The following ARRDC1 variants were observed in gnomAD, a reference collection of about 807,000 sequenced individuals.
ARRDC1 encodes the protein arrestin domain-containing protein 1.
Under a neutral mutation model 40.1 loss-of-function variants are expected in ARRDC1, and 37 were observed. The ratio of observed to expected loss-of-function variants is 0.92; its 90% CI spans 0.71 to 1.21. The LOEUF (loss-of-function observed/expected upper bound fraction) is 1.21. Ranked by LOEUF, ARRDC1 falls within the 50% of genes most tolerant of loss-of-function variation. The pLI is 0.00. For missense variants in ARRDC1, 641 were observed against 581.9 expected (o/e 1.10, Z -1.04); for synonymous variants, 310 against 262.5 (o/e 1.18, Z -1.75).
intron 1 of ARRDC1, among the ~76,000 whole-genome samples, chr9:137,609,631 GCT>G (rs1196314841): frequency 6.6e-6 from 1 of 151,094 alleles, no homozygotes; most frequent in African/African-American, 2.4e-5. Flanking sequence ...TTCCTCCGGG[GCT>G]CCCACCACAG....
intron 4 of ARRDC1, 106 bp downstream of exon 4, chr9:137,613,875 T>G (rs967233306): frequency 1.3e-6 from 2 of 1,538,896 alleles, no homozygotes; most frequent in Non-Finnish European, 1.8e-6. Context: ...CCAGCTGAGG[T>G]GAGGGGGGCC....
chr9:137,608,261 G>A (rs1473450704), intron 1 of ARRDC1, among the ~76,000 whole-genome samples: 2 of 152,350 alleles, frequency 1.3e-5, no homozygotes, highest in East Asian at 1.9e-4. Flanking sequence ...GATTACAGGC[G>A]TGAGCCACCG....
chr9:137,613,573 G>A, intron 3 of ARRDC1, 42 bp from the exon 4 acceptor site: 1 of 1,614,134 alleles, frequency 6.2e-7, no homozygotes. Flanking sequence ...GGGCTCTGCA[G>A]GGTGGAAGGC....
chr9:137,609,627 C>T (rs185667169), intron 1 of ARRDC1, among the ~76,000 whole-genome samples: 108 of 151,764 alleles, frequency 7.1e-4, no homozygotes, highest in Admixed American at 2.4e-3. Context: ...CTCCTTCCTC[C>T]GGGGCTCCCA....
intron 1 of ARRDC1, among the ~76,000 whole-genome samples, chr9:137,608,990 G>T (rs1180274752): frequency 6.6e-6 from 1 of 152,224 alleles, no homozygotes; most frequent in African/African-American, 2.4e-5. Flanking sequence ...GTTGCATACT[G>T]TTTGTTTTTG....
intron 2 of ARRDC1, 158 bp from the exon 3 acceptor site, chr9:137,613,302 C>T (rs1842573992): frequency 1.6e-5 from 14 of 870,976 alleles, no homozygotes; most frequent in South Asian, 4.4e-5. Context: ...CAGTCCTTCA[C>T]CCAAGCCACA....
chr9:137,605,797 C>A lies in ARRDC1; in HGVS notation c.80C>A (p.Thr27Asn). The A allele has an allele frequency of 7.7e-7, 1 of 1,303,538 alleles. No individual in the cohort carries two copies. The highest frequency in any genetic ancestry group is 9.7e-7 in the Non-Finnish European group (1 of 1,026,482). 80.7% of individuals were successfully genotyped at this position (1,303,538 alleles called of 1,614,324 possible). A position where few individuals can be genotyped will look rare whatever the true frequency, so the allele number is the denominator to read the frequency against. Residue 27 changes from threonine to asparagine, a missense_variant, in exon 1 of 8, where the codon ACC becomes AAC. Transcript: ENST00000371421. ...VYSPGEPLAG[T>N]VRVRLGAPLP... ...AGCCCCGGGGAGCCGTTGGCTGGGA[C>A]CGTGCGCGTGCGCCTGGGGGCACCG...
Position 137,614,626 on chromosome 9 carries a change from A to G in ARRDC1, c.863A>G (p.His288Arg). The G allele has an allele frequency of 6.2e-7, 1 of 1,612,600 alleles. No individual in the cohort carries two copies. The change falls in exon 7 of 8, where the codon CAT (histidine) becomes CGT (arginine). Residue 288 changes from histidine (H) to arginine (R), a missense_variant. By Grantham distance (29) the His-to-Arg change is conservative. Coordinates refer to ENST00000371421, the MANE Select transcript of ARRDC1 (RefSeq NM_152285.4). ...TTCATTGGCAATATTGCTGTGAACC[A>G]TGCCCCAGTGAGCCCCCGGCCAGGC... ...PVFIGNIAVN[H>R]APVSPRPGLG...
rs1221816081 is a variant in ARRDC1 at position 137,614,113 on chromosome 9, G to C, written c.517G>C (p.Asp173His). 3 of 1,613,792 alleles carry C rather than the reference G, an allele frequency of 1.9e-6. No individual in the cohort carries two copies. Among genetic ancestry groups the C allele is most frequent in the East Asian group, 2.2e-5 (1 of 44,880 alleles). The stretch of plus-strand genomic sequence containing the variant: ...CAGCGTGGTCCTCACAGCCAGCACT[G>C]ATCTCCGCGGCTATGTGGTGGGGCA... ...TGSVVLTAST[D>H]LRGYVVGQAL... is the part of the protein sequence containing the mutation. Residue 173 changes from aspartate to histidine, a missense_variant, in exon 5 of 8, where the codon GAT (aspartate) becomes CAT (histidine). By Grantham distance (81) the Asp-to-His change is moderately conservative. Coordinates refer to ENST00000371421, the MANE Select transcript of ARRDC1 (RefSeq NM_152285.4).
intron 1 of ARRDC1, among the ~76,000 whole-genome samples, chr9:137,608,046 G>C (rs939682528): frequency 6.6e-6 from 1 of 152,102 alleles, no homozygotes; most frequent in East Asian, 1.9e-4. Flanking sequence ...GTGCCGGCGC[G>C]ATCTCGGCTC....
chr9:137,606,297 G>A (rs923196657), intron 1 of ARRDC1, among the ~76,000 whole-genome samples: 7 of 152,118 alleles, frequency 4.6e-5, no homozygotes, highest in Non-Finnish European at 7.4e-5. Context: ...CCGGCCCCCC[G>A]CCGAGGTGGA....
At chr9:137,608,053 G>A (rs908317628) in intron 1 of ARRDC1, among the ~76,000 whole-genome samples, 1 of 152,118 alleles carries the variant, frequency 6.6e-6, no homozygotes, top group African/African-American at 2.4e-5. Context: ...CGCGATCTCG[G>A]CTCACTGCAA....
At position 137,606,755 on chromosome 9, in the gene ARRDC1, A is replaced by C. The variant is rs541398050; in HGVS notation, c.118+920A>C. Among the ~76,000 whole-genome samples the C allele has an allele frequency of 3.3e-5, 5 of 152,088 alleles. 1 individual carries two copies. The highest frequency in any genetic ancestry group is 3.9e-4 in the East Asian group (2 of 5,148). On this transcript the variant is annotated intron_variant, in intron 1 of 7. Coordinates refer to ENST00000371421, the MANE Select transcript of ARRDC1 (RefSeq NM_152285.4). ...CCCACAGCCTCCCTTCCTCTGTCCC[A>C]ACCTTGAGTTTGGGGTCTGGGTGGG...
chr9:137,613,170 G>C (rs566222179), intron 2 of ARRDC1, 164 bp downstream of exon 2: 1 of 761,410 alleles, frequency 1.3e-6, no homozygotes, highest in African/African-American at 1.7e-5. Context: ...ATAGGCGCTG[G>C]GTGGCTGAAG....
chr9:137,614,335 GTACGGACCA>G lies in ARRDC1; in HGVS notation c.657_665del (p.Arg220_Ile222del). 1 of 1,611,604 alleles carries G rather than the reference GTACGGACCA, an allele frequency of 6.2e-7. No individual in the cohort carries two copies. The highest frequency in any genetic ancestry group is 8.5e-7 in the Non-Finnish European group (1 of 1,178,854). On this transcript the variant is annotated inframe_deletion, in exon 6 of 8. Coordinates refer to ENST00000371421, the MANE Select transcript of ARRDC1 (RefSeq NM_152285.4). The stretch of plus-strand genomic sequence containing the variant: ...TAAGGCCAAGCGCTGGATCCACGAC[GTACGGACCA>G]TTGCGGAGGTGGAGGGTGCGGGCGT...
intron 2 of ARRDC1, chr9:137,613,208 G>T (rs1376539822): frequency 4.1e-6 from 3 of 738,476 alleles, no homozygotes; most frequent in Non-Finnish European, 7.1e-6. Flanking sequence ...TGCTGGATTT[G>T]GGTGGGCTCT....
At position 137,614,106 on chromosome 9, in the gene ARRDC1, C is replaced by T. The variant is rs775351486; in HGVS notation, c.510C>T (p.Ala170=). Residue 170 remains alanine, a synonymous_variant, in exon 5 of 8, where the codon GCC becomes GCT. Transcript: ENST00000371421. The part of the protein sequence containing the change: ...LVKTGSVVLT[A]STDLRGYVVG... ...AGACGGGCAGCGTGGTCCTCACAGC[C>T]AGCACTGATCTCCGCGGCTATGTGG... 7 of 1,613,882 alleles carry T rather than the reference C, an allele frequency of 4.3e-6. No individual in the cohort carries two copies.
In ARRDC1 at chr9:137,614,716, A is replaced by AGGCTGAGGCTGC. The variant is rs1564504416; in HGVS notation, c.959_970dup (p.Glu320_Ala323dup). 6.2e-7 allele frequency: 1 copy of AGGCTGAGGCTGC among 1,609,348 alleles called. No homozygotes were observed. The highest frequency in any genetic ancestry group is 1.1e-5 in the South Asian group (1 of 90,878). ...TCCGCACCACCCCAGGAGGAGGCTG[A>AGGCTGAGGCTGC]GGCTGAGGCTGCGGCTGGCGGCCCC... On this transcript the variant is annotated inframe_insertion, in exon 7 of 8. Coordinates refer to ENST00000371421, the MANE Select transcript of ARRDC1 (RefSeq NM_152285.4).
chr9:137,614,450 T>TCATCCA lies in ARRDC1; in HGVS notation c.775_780dup (p.His259_Ile260dup), dbSNP rs1389489872. 1 of 1,613,258 alleles carries TCATCCA rather than the reference T, an allele frequency of 6.2e-7. No individual in the cohort carries two copies. Among genetic ancestry groups the TCATCCA allele is most frequent in the East Asian group, 2.2e-5 (1 of 44,870 alleles). On this transcript the variant is annotated inframe_insertion, in exon 6 of 8. Transcript: ENST00000371421. The stretch of plus-strand genomic sequence containing the variant: ...CAGTCGGCCCTGCCGGGCTGCAGCC[T>TCATCCA]CATCCACATCGACTACTACTTACAG...
Sources: allele counts gnomAD v4.1 joint callset (sites outside exome capture counted in the v4.1 genomes callset), GRCh38; gene constraint gnomAD v4.1.1; transcripts MANE v1.5; gene names NCBI Gene and HGNC (gene_info 2026-07-23, HGNC 2026-07-21).